Variants in RBL1 observed in about 807,000 individuals in gnomAD.
RBL1 encodes RB transcriptional corepressor like 1, also known as retinoblastoma-like protein 1.
RBL1 carries 82 observed loss-of-function variants against 123.0 expected under a neutral mutation model. The observed-to-expected ratio is 0.67, with a 90% confidence interval of 0.56 to 0.80. RBL1 has a LOEUF of 0.80. Among genes scored for constraint, RBL1 ranks in the 30% least tolerant of loss-of-function variants. The probability of loss-of-function intolerance (pLI) is 0.00; values close to 1 mark genes in which losing one functional copy is unlikely to be tolerated. For missense variants in RBL1, 1,171 were observed against 1,299.6 expected, an observed-to-expected ratio of 0.90 and a Z score of 1.52; for synonymous variants, 405 against 441.3, an observed-to-expected ratio of 0.92 and a Z score of 1.03.
In RBL1 at chr20:36,999,876, G is replaced by A. The variant is rs374167999; in HGVS notation, c.3037-947C>T. Among the ~76,000 whole-genome samples the A allele has an allele frequency of 2.6e-4, 40 of 152,208 alleles. No homozygotes were observed. The East Asian group carries it at 3.5e-3, about 13-fold the overall frequency. Reference sequence around the variant, plus strand: ...CTTCCCAGCTGCCTGCCTTGGCCCCGCAAAGTGCCGAGATTGCAGACTCTG... The same window carrying A: ...CTTCCCAGCTGCCTGCCTTGGCCCCACAAAGTGCCGAGATTGCAGACTCTG... On this transcript the variant is annotated intron_variant, in intron 21 of 21. Transcript: ENST00000373664.
At position 37,061,088 on chromosome 20, in the gene RBL1, C is replaced by A; in HGVS notation, c.1250+15G>T. ...TTTAAAAAGACATTTGGAAAAATAA[C>A]AGTATTGTACATACTCAAAAATATT... On this transcript the variant is annotated intron_variant, in intron 9 of 21. Coordinates refer to ENST00000373664, the MANE Select transcript of RBL1 (RefSeq NM_002895.5). 2 of 1,498,048 alleles carry A rather than the reference C, an allele frequency of 1.3e-6. No homozygotes were observed. Among genetic ancestry groups the A allele is most frequent in the East Asian group, 2.4e-5 (1 of 41,908 alleles). The allele number at this position is 1,498,048 out of a possible 1,614,324, so 92.8% of individuals were successfully genotyped here. A position where few individuals can be genotyped will look rare whatever the true frequency, so the allele number is the denominator to read the frequency against.
chr20:37,069,070 C>A lies in RBL1; in HGVS notation c.291-884G>T, dbSNP rs1568877757. ...GGCCAGGCCGGTCTCCAGCCCCTAA[C>A]CGCAAGTGATCCGCCAGCCTCGGCC... On this transcript the variant is annotated intron_variant, in intron 2 of 21. Transcript: ENST00000373664. Among the ~76,000 whole-genome samples the A allele has an allele frequency of 3.9e-5, 6 of 152,272 alleles. No individual in the cohort carries two copies. The South Asian group carries it at 1.0e-3, about 26-fold the overall frequency.
intron 16 of RBL1, among the ~76,000 whole-genome samples, chr20:37,027,521 A>G (rs2064445453): frequency 6.6e-6 from 1 of 152,196 alleles, no homozygotes; most frequent in South Asian, 2.1e-4. Flanking sequence ...GGGCTAGCCA[A>G]CCATCTAGCT....
chr20:37,048,899 AT>A (rs2064857034), intron 11 of RBL1, among the ~76,000 whole-genome samples: 1 of 145,212 alleles, frequency 6.9e-6, no homozygotes, highest in African/African-American at 2.6e-5. Context: ...ACACCATCGT[AT>A]TAAAAAAAAA....
Position 37,035,428 on chromosome 20 carries a change from C to T in RBL1, c.1984G>A (p.Gly662Arg), listed in dbSNP as rs766001380. 2.5e-6 allele frequency: 4 copies of T among 1,613,960 alleles called. No homozygotes were observed. In the South Asian group the frequency reaches 4.4e-5, roughly 18 times the overall value. The change falls in exon 15 of 22, where the codon GGA (glycine) becomes AGA (arginine). Residue 662 changes from glycine (G) to arginine (R), a missense_variant. Transcript: ENST00000373664. ...AGCATTTCCTTTGGGGGGTCCTCTC[C>T]AAAGAGTCTTCTCTTAGCACTCCCT... ...TAGSAKRRLF[G>R]EDPPKEMLMD...
chr20:37,006,325 C>T (rs1195847924), intron 20 of RBL1, among the ~76,000 whole-genome samples: 1 of 151,180 alleles, frequency 6.6e-6, no homozygotes, highest in Non-Finnish European at 1.5e-5. Flanking sequence ...CTCAGCCTCC[C>T]GAGTAGCTGG....
intron 11 of RBL1, among the ~76,000 whole-genome samples, chr20:37,048,930 G>A (rs915501654): frequency 1.9e-4 from 29 of 149,718 alleles, no homozygotes; most frequent in Admixed American, 6.7e-4. Flanking sequence ...AGCCAGGTGC[G>A]GTGGCTCAAG....
At chr20:37,084,764 T>C (rs1470742787) in intron 2 of RBL1, among the ~76,000 whole-genome samples, 3 of 152,130 alleles carry the variant, frequency 2.0e-5, no homozygotes, top group East Asian at 1.9e-4. Flanking sequence ...TATTTGTACA[T>C]AGGAAGACCT....
chr20:37,009,851 T>A (rs557330300), intron 19 of RBL1, among the ~76,000 whole-genome samples: 1 of 152,086 alleles, frequency 6.6e-6, no homozygotes, highest in South Asian at 2.1e-4. Flanking sequence ...TCTATAAAAA[T>A]TTTTTTAAAA....
intron 19 of RBL1, among the ~76,000 whole-genome samples, chr20:37,015,063 C>CAAAAAAAAAAA (rs1185151735): frequency 4.3e-5 from 3 of 70,308 alleles, no homozygotes; most frequent in African/African-American, 9.4e-5. Context: ...GACTGTATCT[C>CAAAAAAAAAAA]AAAAAAAAAA....
At position 37,095,836 on chromosome 20, in the gene RBL1, G is replaced by T. The variant is rs1311953260; in HGVS notation, c.93C>A (p.Asp31Glu). Reference sequence around the variant, plus strand: ...CCAGGGCTTCGGCCGCGCTCCCCTCGTCCAGGTTCAGCTCCTGGCACAGGG... The same window carrying T: ...CCAGGGCTTCGGCCGCGCTCCCCTCTTCCAGGTTCAGCTCCTGGCACAGGG... ...LQALCQELNL[D>E]EGSAAEALDD... Residue 31 changes from aspartate to glutamate, a missense_variant, in exon 1 of 22, where the codon GAC becomes GAA. Physicochemically the swap from Asp to Glu is conservative, Grantham distance 45. Transcript: ENST00000373664. 6.2e-7 allele frequency: 1 copy of T among 1,608,674 alleles called. No homozygotes were observed.
intron 21 of RBL1, among the ~76,000 whole-genome samples, chr20:37,002,229 C>T (rs2063996631): frequency 1.3e-5 from 2 of 151,364 alleles, no homozygotes; most frequent in South Asian, 4.2e-4. Context: ...CAGGGTTTTG[C>T]CATGTTGGCC....
Position 36,998,714 on chromosome 20 carries a change from G to A in RBL1, c.*45C>T. 1.3e-6 allele frequency: 2 copies of A among 1,533,442 alleles called. No individual in the cohort carries two copies. Among genetic ancestry groups the A allele is most frequent in the Non-Finnish European group, 1.8e-6 (2 of 1,124,702 alleles). The allele number at this position is 1,533,442 out of a possible 1,614,324, so 95.0% of individuals were successfully genotyped here. Reference sequence around the variant, plus strand: ...TTGAAGGACAGAGCTCCAACTTTCTGCAGAACAATCTGAAAGTGCTTTTAT... The same window carrying A: ...TTGAAGGACAGAGCTCCAACTTTCTACAGAACAATCTGAAAGTGCTTTTAT... On this transcript the variant is annotated 3_prime_UTR_variant, in exon 22 of 22. Coordinates refer to ENST00000373664, the MANE Select transcript of RBL1 (RefSeq NM_002895.5).
intron 15 of RBL1, 97 bp from the exon 16 acceptor site, chr20:37,032,973 G>A: frequency 7.1e-7 from 1 of 1,413,010 alleles, no homozygotes; most frequent in South Asian, 1.5e-5. Context: ...ATATCTGTGT[G>A]TATAAGAAGG....
intron 1 of RBL1, among the ~76,000 whole-genome samples, chr20:37,092,831 T>C (rs2065669358): frequency 6.6e-6 from 1 of 152,120 alleles, no homozygotes; most frequent in African/African-American, 2.4e-5. Flanking sequence ...TTTTATTCCA[T>C]GAGAATAAAA....
chr20:37,057,324 T>C (rs2065027094), intron 9 of RBL1, among the ~76,000 whole-genome samples: 1 of 152,222 alleles, frequency 6.6e-6, no homozygotes, highest in Non-Finnish European at 1.5e-5. Context: ...ACCAACAGTG[T>C]GTAAGGGTCC....
chr20:37,001,939 A>AAAAAAAAC (rs2063990218), intron 21 of RBL1, among the ~76,000 whole-genome samples: 1 of 150,220 alleles, frequency 6.7e-6, no homozygotes, highest in African/African-American at 2.5e-5. Context: ...AAAAAAAAAA[A>AAAAAAAAC]AAACAAACCA....
At position 37,003,689 on chromosome 20, in the gene RBL1, C is replaced by T. The variant is rs200349050; in HGVS notation, c.3036+13G>A. The T allele has an allele frequency of 3.7e-5, 59 of 1,585,580 alleles. No individual in the cohort carries two copies. The highest frequency in any genetic ancestry group is 2.3e-5 in the East Asian group (1 of 44,288). On this transcript the variant is annotated intron_variant, in intron 21 of 21. Coordinates refer to ENST00000373664, the MANE Select transcript of RBL1 (RefSeq NM_002895.5). ...GTTAATCTGAAATCCAACTTTTAGC[C>T]TATTCACCTTACCTTAGAAGGGCTG... is the stretch of plus-strand genomic sequence containing the variant.
At position 37,066,871 on chromosome 20, in the gene RBL1, A is replaced by G. The variant is rs2065185277; in HGVS notation, c.699T>C (p.Asp233=). ...LNPSFKGLPS[D]FHTADFTASE... is the part of the protein sequence containing the mutation. ...AAGCCGTAAAGTCAGCAGTATGAAA[A>G]TCAGATGGTAAACCTAGTTTGACAG... The change falls in exon 6 of 22, where the codon GAT becomes GAC. Residue 233 remains aspartate (D), a synonymous_variant. Transcript: ENST00000373664. The G allele has an allele frequency of 3.1e-6, 5 of 1,613,862 alleles. No homozygotes were observed. The highest frequency in any genetic ancestry group is 4.2e-6 in the Non-Finnish European group (5 of 1,179,914).
Sources: allele counts gnomAD v4.1 joint callset (sites outside exome capture counted in the v4.1 genomes callset), GRCh38; gene constraint gnomAD v4.1.1; transcripts MANE v1.5; gene names NCBI Gene and HGNC (gene_info 2026-07-23, HGNC 2026-07-21).